The following CERS6 variants were observed in gnomAD, a reference collection of about 807,000 sequenced individuals.
CERS6 encodes LAG1 homolog, ceramide synthase 6.
In CERS6, 26 loss-of-function variants were observed where a neutral mutation model predicts 56.8. The observed-to-expected ratio is 0.46, with a 90% CI of 0.34 to 0.63. The LOEUF is 0.63. CERS6 is among the 30% of genes least tolerant of loss of function. The pLI is 0.01. For missense variants in CERS6, 415 were observed against 467.5 expected, an observed-to-expected ratio of 0.89 and a Z score of 1.04; for synonymous variants, 164 against 173.3, an observed-to-expected ratio of 0.95 and a Z score of 0.42.
chr2:168,699,147 C>T (rs1317496485), intron 6 of CERS6, among the ~76,000 whole-genome samples: 1 of 152,170 alleles, frequency 6.6e-6, no homozygotes, highest in African/African-American at 2.4e-5. Context: ...GCAGTTCCAT[C>T]CTTATTCCGC....
At chr2:168,638,440 A>AG (rs397799560) in intron 4 of CERS6, among the ~76,000 whole-genome samples, 1 of 151,838 alleles carries the variant, frequency 6.6e-6, no homozygotes, top group Non-Finnish European at 1.5e-5. Flanking sequence ...AAAAAAAAAA[A>AG]GTATCAAAAA....
intron 8 of CERS6, among the ~76,000 whole-genome samples, chr2:168,747,068 C>T (rs1003334762): frequency 2.0e-5 from 3 of 151,576 alleles, no homozygotes; most frequent in East Asian, 1.9e-4. Flanking sequence ...TTATACTGTA[C>T]GTAATTTTTA....
intron 1 of CERS6, among the ~76,000 whole-genome samples, chr2:168,520,626 T>TTTTTTTTTTTTTTTTTTTTTC (rs1694961398): frequency 1.1e-5 from 1 of 93,230 alleles, no homozygotes; most frequent in Non-Finnish European, 2.3e-5. Flanking sequence ...TTTTTTTTTT[T>TTTTTTTTTTTTTTTTTTTTTC]TGAGAAGCAG....
Position 168,715,108 on chromosome 2 carries a change from T to C in CERS6, c.717T>C (p.Asp239=), listed in dbSNP as rs1032356843. Residue 239 remains aspartate, a synonymous_variant, in exon 7 of 10, where the codon GAT becomes GAC. Coordinates refer to ENST00000305747, the MANE Select transcript of CERS6 (RefSeq NM_203463.3). ...GAACGCTGGTCCTTTGTCTTCATGA[T>C]TCAGCTGATGCTCTTCTGGAGGTAA... ...RVGTLVLCLH[D]SADALLEAAK... is the part of the protein sequence containing the mutation. The C allele has an allele frequency of 5.0e-6, 8 of 1,612,084 alleles. No individual in the cohort carries two copies. Among genetic ancestry groups the C allele is most frequent in the Middle Eastern group, 1.6e-4 (1 of 6,066 alleles).
intron 1 of CERS6, among the ~76,000 whole-genome samples, chr2:168,490,651 C>T (rs564972046): frequency 6.6e-6 from 1 of 152,234 alleles, no homozygotes; most frequent in South Asian, 2.1e-4. Flanking sequence ...ACCCATACTT[C>T]CCTTTGTTGC....
intron 3 of CERS6, among the ~76,000 whole-genome samples, chr2:168,576,161 AG>A (rs1300761368): frequency 2.0e-5 from 3 of 152,080 alleles, no homozygotes; most frequent in Non-Finnish European, 4.4e-5. Flanking sequence ...TGCTCCATGA[AG>A]GACGCCTCCT....
At chr2:168,751,303 G>A (rs114866928) in intron 8 of CERS6, among the ~76,000 whole-genome samples, 92 of 152,282 alleles carry the variant, frequency 6.0e-4, no homozygotes, top group Admixed American at 1.4e-3. Flanking sequence ...GCTGTATCAG[G>A]TACTTTTTTA....
Position 168,645,140 on chromosome 2 carries a change from TATAGAGAGAG to T in CERS6, c.465+14100_465+14109del, listed in dbSNP as rs1231041625. On this transcript the variant is annotated intron_variant, in intron 4 of 9. Transcript: ENST00000305747. The stretch of plus-strand genomic sequence containing the variant: ...AAATATATATATATATATATATATA[TATAGAGAGAG>T]AGAGAGAGAGAGAGAGAGAGAGAGA... 3.3e-3 allele frequency among the ~76,000 whole-genome samples: 79 copies of T among 23,640 alleles called. 4 individuals carry two copies. Among genetic ancestry groups the T allele is most frequent in the African/African-American group, 5.5e-3 (27 of 4,950 alleles). The allele number at this position is 23,640 out of a possible 152,430, so 15.5% of individuals were successfully genotyped here.
At chr2:168,715,181 C>G (rs747608813) in intron 7 of CERS6, 52 bp downstream of exon 7, 1 of 1,544,892 alleles carries the variant, frequency 6.5e-7, no homozygotes, top group Non-Finnish European at 8.8e-7. Context: ...TTTAGGAAGT[C>G]CCCAATCTCA....
At chr2:168,766,363 T>C (rs1170570866) in intron 9 of CERS6, 2 of 1,596,868 alleles carry the variant, frequency 1.3e-6, no homozygotes, top group Admixed American at 3.3e-5. Flanking sequence ...TCTCCTCCTC[T>C]CTCTCTATCC....
chr2:168,670,280 G>T (rs1685874557), intron 4 of CERS6, among the ~76,000 whole-genome samples: 1 of 152,114 alleles, frequency 6.6e-6, no homozygotes, highest in Admixed American at 6.5e-5. Context: ...CAGTCAATTT[G>T]TCTGCATTTT....
rs149921536 is a variant in CERS6, at chr2:168,655,125, A to G, written c.465+24083A>G. On this transcript the variant is annotated intron_variant, in intron 4 of 9. Transcript: ENST00000305747. ...GAAGACATAAAAATGGCCAACCGAC[A>G]TATGAGAAGGTGCTCAATATCACTA... Among the ~76,000 whole-genome samples the G allele has an allele frequency of 9.2e-5, 14 of 152,352 alleles. No homozygotes were observed. The East Asian group carries it at 2.7e-3, about 29-fold the overall frequency.
At chr2:168,608,873 A>G (rs1015690971) in intron 3 of CERS6, among the ~76,000 whole-genome samples, 27 of 152,208 alleles carry the variant, frequency 1.8e-4, no homozygotes, top group African/African-American at 5.1e-4. Context: ...AATTCATAAC[A>G]TAGAAGAGAT....
chr2:168,471,665 A>T (rs934237423), intron 1 of CERS6, among the ~76,000 whole-genome samples: 1 of 152,338 alleles, frequency 6.6e-6, no homozygotes, highest in Admixed American at 6.5e-5. Context: ...CTCTCCGTCA[A>T]TCGCCATTCC....
At chr2:168,495,164 G>A (rs1694443371) in intron 1 of CERS6, among the ~76,000 whole-genome samples, 1 of 152,140 alleles carries the variant, frequency 6.6e-6, no homozygotes, top group African/African-American at 2.4e-5. Context: ...CTTTATACTT[G>A]TGATAGTCTG....
chr2:168,575,885 C>G (rs1398260370), intron 3 of CERS6, among the ~76,000 whole-genome samples: 2 of 152,118 alleles, frequency 1.3e-5, no homozygotes, highest in Non-Finnish European at 2.9e-5. Flanking sequence ...ATACCTGCCT[C>G]TCCATTAAGA....
Position 168,456,751 on chromosome 2 carries a change from A to C in CERS6, c.170+133A>C. 1 of 825,126 alleles carries C rather than the reference A, an allele frequency of 1.2e-6. No individual in the cohort carries two copies. The highest frequency in any genetic ancestry group is 1.9e-6 in the Non-Finnish European group (1 of 532,518). The allele number at this position is 825,126 out of a possible 1,614,324, so 51.1% of individuals were successfully genotyped here. On this transcript the variant is annotated intron_variant, in intron 1 of 9. Coordinates refer to ENST00000305747, the MANE Select transcript of CERS6 (RefSeq NM_203463.3). This position sits in a 1 kb window ranked among gnomAD's most constrained non-coding sequence, Gnocchi z 4.1. ...CGCCTCCCAACCTTTGTGTTCGGGGAGGGGTTGCTGACCCCCCTGCCCCGC... is the reference window on the plus strand; with the variant it reads ...CGCCTCCCAACCTTTGTGTTCGGGGCGGGGTTGCTGACCCCCCTGCCCCGC...
At chr2:168,513,629 G>A (rs1057322787) in intron 1 of CERS6, among the ~76,000 whole-genome samples, 7 of 152,170 alleles carry the variant, frequency 4.6e-5, no homozygotes, top group Non-Finnish European at 7.3e-5. Context: ...ATATACCACC[G>A]TGGATGTTGA....
At position 168,486,727 on chromosome 2, in the gene CERS6, C is replaced by G. The variant is rs140996578; in HGVS notation, c.170+30109C>G. ...GCTTTGGGTTCCTCCTGTGTTGATCCTCCTTATCTTAATAATATAGGTCAG... is the reference window on the plus strand; with the variant it reads ...GCTTTGGGTTCCTCCTGTGTTGATCGTCCTTATCTTAATAATATAGGTCAG... On this transcript the variant is annotated intron_variant, in intron 1 of 9. Coordinates refer to ENST00000305747, the MANE Select transcript of CERS6 (RefSeq NM_203463.3). 2.6e-5 allele frequency among the ~76,000 whole-genome samples: 4 copies of G among 151,920 alleles called. No homozygotes were observed. In the East Asian group the frequency reaches 5.8e-4, roughly 22 times the overall value.
Sources: allele counts gnomAD v4.1 joint callset (sites outside exome capture counted in the v4.1 genomes callset), GRCh38; gene constraint gnomAD v4.1.1; non-coding constraint Gnocchi (gnomAD v3.1); transcripts MANE v1.5; gene names NCBI Gene and HGNC (gene_info 2026-07-23, HGNC 2026-07-21).